Variants in RBFOX1 observed in about 807,000 individuals in gnomAD.
RBFOX1 encodes RNA binding fox-1 homolog 1.
In RBFOX1, 8 loss-of-function variants were observed where a neutral mutation model predicts 57.7. The observed-to-expected ratio is 0.14, with a 90% CI of 0.08 to 0.25. The LOEUF (loss-of-function observed/expected upper bound fraction) is 0.25. RBFOX1 is among the 10% of genes least tolerant of loss of function. The pLI is 1.00. For missense variants in RBFOX1, 611 were observed against 548.5 expected, an observed-to-expected ratio of 1.11 and a Z score of -1.14; for synonymous variants, 326 against 222.4, an observed-to-expected ratio of 1.47 and a Z score of -4.15.
In RBFOX1 at chr16:6,698,332, G is replaced by A. The variant is rs1433193479; in HGVS notation, c.-16+43682G>A. On this transcript the variant is annotated intron_variant, in intron 3 of 15. Transcript: ENST00000550418. ...TTTTTCTAAGATATATGAGGATGTGGGAAAGTCTGCATTGATCTTCAAGTG... is the reference window on the plus strand; with the variant it reads ...TTTTTCTAAGATATATGAGGATGTGAGAAAGTCTGCATTGATCTTCAAGTG... Among the ~76,000 whole-genome samples the A allele has an allele frequency of 5.9e-5, 9 of 152,192 alleles. No homozygotes were observed. In the South Asian group the frequency reaches 1.9e-3, roughly 32 times the overall value.
At chr16:6,148,203 T>G (rs1316896430) in intron 1 of RBFOX1, among the ~76,000 whole-genome samples, 1 of 152,220 alleles carries the variant, frequency 6.6e-6, no homozygotes, top group Admixed American at 6.5e-5. Flanking sequence ...GGCATGTACC[T>G]GTAATCCCAG....
intron 4 of RBFOX1, among the ~76,000 whole-genome samples, chr16:7,204,743 C>A (rs1284678782): frequency 3.3e-5 from 5 of 152,186 alleles, no homozygotes; most frequent in African/African-American, 1.2e-4. Flanking sequence ...CTTCCTTCAT[C>A]TCCTTTTCTC....
rs186340309 is a variant in RBFOX1 at position 7,059,065 on chromosome 16, G to A, written c.27+6967G>A. 5.9e-5 allele frequency among the ~76,000 whole-genome samples: 9 copies of A among 152,302 alleles called. No homozygotes were observed. In the East Asian group the frequency reaches 1.7e-3, roughly 29 times the overall value. On this transcript the variant is annotated intron_variant, in intron 4 of 15. Coordinates refer to ENST00000550418, the MANE Select transcript of RBFOX1 (RefSeq NM_018723.4). ...CATTTCTGCTAGATATGAGAGTGAT[G>A]TGGATTGCATAATGAAAATTGCTAA...
chr16:7,217,428 C>T (rs1424672254), intron 4 of RBFOX1, among the ~76,000 whole-genome samples: 1 of 151,226 alleles, frequency 6.6e-6, no homozygotes, highest in Non-Finnish European at 1.5e-5. Flanking sequence ...CACGTCCAGC[C>T]AGGAAAACTA....
intron 12 of RBFOX1, among the ~76,000 whole-genome samples, chr16:7,663,678 G>T (rs2068394692): frequency 6.6e-6 from 1 of 152,052 alleles, no homozygotes; most frequent in Non-Finnish European, 1.5e-5. Context: ...TTGGTCCTTT[G>T]CCAGAATCAT....
chr16:5,265,127 G>GA (rs906990929), intron 1 of RBFOX1, among the ~76,000 whole-genome samples: 3 of 152,076 alleles, frequency 2.0e-5, no homozygotes, highest in East Asian at 1.9e-4. Flanking sequence ...TTATAAAATA[G>GA]AAAAAATCTG....
At chr16:5,869,518 C>G (rs1039857293) in intron 4 of RBFOX1, among the ~76,000 whole-genome samples, 1 of 152,126 alleles carries the variant, frequency 6.6e-6, no homozygotes, top group African/African-American at 2.4e-5. Flanking sequence ...TCTCCTGCCT[C>G]AGCCTCCCAA....
chr16:7,183,300 T>C (rs780583373), intron 4 of RBFOX1, among the ~76,000 whole-genome samples: 1 of 152,114 alleles, frequency 6.6e-6, no homozygotes, highest in Non-Finnish European at 1.5e-5. Flanking sequence ...ATCGTGCTTG[T>C]CAATTTACAG....
intron 3 of RBFOX1, among the ~76,000 whole-genome samples, chr16:6,871,884 C>G (rs1284216645): frequency 5.3e-5 from 8 of 149,848 alleles, no homozygotes; most frequent in African/African-American, 2.0e-4. Context: ...TTGTCACAAT[C>G]CAGGCTCTTT....
At chr16:7,068,881 G>A (rs539806216) in intron 4 of RBFOX1, among the ~76,000 whole-genome samples, 2 of 152,306 alleles carry the variant, frequency 1.3e-5, no homozygotes, top group African/African-American at 2.4e-5. Context: ...GAGCCACCGC[G>A]CCCGGCCTGA....
At chr16:6,848,154 TACCCCACA>T in intron 3 of RBFOX1, among the ~76,000 whole-genome samples, 1 of 151,942 alleles carries the variant, frequency 6.6e-6, no homozygotes, top group Non-Finnish European at 1.5e-5. Context: ...AATGCTGTGT[TACCCCACA>T]AGGAGGCTGA....
At chr16:5,473,796 AAG>A (rs1232996872) in intron 2 of RBFOX1, among the ~76,000 whole-genome samples, 2 of 143,110 alleles carry the variant, frequency 1.4e-5, no homozygotes, top group Non-Finnish European at 3.0e-5. Flanking sequence ...GATGAATTGA[AAG>A]AGGGAAGGTG....
chr16:7,161,202 A>T (rs1157792781), intron 4 of RBFOX1, among the ~76,000 whole-genome samples: 1 of 152,128 alleles, frequency 6.6e-6, no homozygotes, highest in East Asian at 1.9e-4. Context: ...GACTATGTGG[A>T]TGATGATGAG....
intron 13 of RBFOX1, among the ~76,000 whole-genome samples, chr16:7,669,300 A>C (rs775780626): frequency 7.2e-5 from 11 of 152,208 alleles, no homozygotes; most frequent in Non-Finnish European, 1.3e-4. Context: ...TGACCTTCTC[A>C]GAAAGAGACC....
intron 2 of RBFOX1, among the ~76,000 whole-genome samples, chr16:6,642,991 C>A (rs2098504837): frequency 6.6e-6 from 1 of 152,172 alleles, no homozygotes; most frequent in African/African-American, 2.4e-5. Context: ...GAGTCATCTT[C>A]ATATTTAGGT....
intron 1 of RBFOX1, among the ~76,000 whole-genome samples, chr16:6,277,930 A>G (rs938892507): frequency 1.3e-5 from 2 of 152,158 alleles, no homozygotes; most frequent in South Asian, 2.1e-4. Flanking sequence ...TGTCTTTCAC[A>G]GCTCACTTTT....
At chr16:7,594,457 T>G (rs2152940884) in intron 7 of RBFOX1, among the ~76,000 whole-genome samples, 1 of 152,322 alleles carries the variant, frequency 6.6e-6, no homozygotes, top group East Asian at 1.9e-4. Flanking sequence ...TGGTGTATAT[T>G]TCTGAACAAG....
chr16:5,818,576 A>G (rs2055730306), intron 3 of RBFOX1, among the ~76,000 whole-genome samples: 1 of 152,246 alleles, frequency 6.6e-6, no homozygotes, highest in Admixed American at 6.5e-5. Flanking sequence ...AAGTCCATTA[A>G]TAAGCATTTT....
At chr16:6,386,984 A>G (rs1236573075) in intron 2 of RBFOX1, among the ~76,000 whole-genome samples, 1 of 152,206 alleles carries the variant, frequency 6.6e-6, no homozygotes, top group Admixed American at 6.5e-5. Context: ...TTCCGCAAAG[A>G]TGAAGCTCAG....
Sources: allele counts gnomAD v4.1 joint callset (sites outside exome capture counted in the v4.1 genomes callset), GRCh38; gene constraint gnomAD v4.1.1; transcripts MANE v1.5; gene names NCBI Gene and HGNC (gene_info 2026-07-23, HGNC 2026-07-21).